The following RNF11 variants were observed in gnomAD, a reference collection of about 807,000 sequenced individuals.
RNF11 encodes ring finger protein 11.
A neutral mutation model predicts 15.8 loss-of-function variants in RNF11; 4 were observed. That is an observed-to-expected ratio of 0.25 (90% confidence interval 0.12 to 0.58). The LOEUF (loss-of-function observed/expected upper bound fraction) is 0.58, where lower values mean the gene tolerates loss of function less well. RNF11 is among the 20% of genes least tolerant of loss of function. The probability of loss-of-function intolerance (pLI) is 0.91; values close to 1 mark genes in which losing one functional copy is unlikely to be tolerated. For synonymous variants in RNF11, 68 were observed against 72.3 expected, an observed-to-expected ratio of 0.94 and a Z score of 0.30; for missense variants, 139 against 194.4, an observed-to-expected ratio of 0.71 and a Z score of 1.70.
intron 1 of RNF11, among the ~76,000 whole-genome samples, chr1:51,257,737 C>T (rs544968789): frequency 4.4e-4 from 66 of 150,798 alleles, no homozygotes; most frequent in African/African-American, 1.6e-3. Context: ...GGATTACAGG[C>T]GTGAGCTACT....
At chr1:51,270,329 C>T (rs917016090) in intron 2 of RNF11, among the ~76,000 whole-genome samples, 10 of 152,274 alleles carry the variant, frequency 6.6e-5, no homozygotes, top group African/African-American at 2.4e-4. Context: ...AGAATTTTCA[C>T]AGGCCGAGCA....
chr1:51,244,379 G>GT lies in RNF11; in HGVS notation c.123+7511dup, dbSNP rs1043027281. Among the ~76,000 whole-genome samples the GT allele has an allele frequency of 1.9e-3, 275 of 145,880 alleles. 1 individual carries two copies. The highest frequency in any genetic ancestry group is 0.018 in the Middle Eastern group (5 of 284). Reference sequence around the variant, plus strand: ...ATTTCATTATATATTTTTTGAATTTGTTTTTTTTTTTGTTTGTTTGTTTGA... The same window carrying GT: ...ATTTCATTATATATTTTTTGAATTTGTTTTTTTTTTTTGTTTGTTTGTTTGA... On this transcript the variant is annotated intron_variant, in intron 1 of 2. Coordinates refer to ENST00000242719, the MANE Select transcript of RNF11 (RefSeq NM_014372.5).
At chr1:51,252,148 T>C (rs781336415) in intron 1 of RNF11, among the ~76,000 whole-genome samples, 1 of 151,730 alleles carries the variant, frequency 6.6e-6, no homozygotes, top group East Asian at 1.9e-4. Flanking sequence ...ATGTATTTTC[T>C]CTTCCTTATG....
At chr1:51,259,782 TTAAGTC>T (rs1229872510) in intron 1 of RNF11, among the ~76,000 whole-genome samples, 1 of 152,056 alleles carries the variant, frequency 6.6e-6, no homozygotes, top group African/African-American at 2.4e-5. Flanking sequence ...AGGTCAAAGT[TTAAGTC>T]AATCAGTAAT....
At chr1:51,242,591 G>A (rs1001257384) in intron 1 of RNF11, among the ~76,000 whole-genome samples, 3 of 152,034 alleles carry the variant, frequency 2.0e-5, no homozygotes, top group African/African-American at 7.2e-5. Context: ...AGAATGTACT[G>A]CTTATTTTTA....
At chr1:51,257,192 C>G (rs1439122569) in intron 1 of RNF11, among the ~76,000 whole-genome samples, 1 of 152,174 alleles carries the variant, frequency 6.6e-6, no homozygotes, top group Non-Finnish European at 1.5e-5. Flanking sequence ...GGGTAGTTCT[C>G]TTTCCCCAGG....
intron 1 of RNF11, among the ~76,000 whole-genome samples, chr1:51,262,809 C>T (rs1167695042): frequency 7.0e-6 from 1 of 142,384 alleles, no homozygotes; most frequent in Admixed American, 7.6e-5. Flanking sequence ...CTCAGGTGAT[C>T]TGCCTGCCTC....
chr1:51,272,245 G>C lies in RNF11; in HGVS notation c.*923G>C, dbSNP rs1243783871. 1.3e-5 allele frequency: 2 copies of C among 152,468 alleles called. No individual in the cohort carries two copies. Among genetic ancestry groups the C allele is most frequent in the Non-Finnish European group, 1.5e-5 (1 of 68,016 alleles). 9.4% of individuals were successfully genotyped at this position (152,468 alleles called of 1,614,324 possible). On this transcript the variant is annotated 3_prime_UTR_variant, in exon 3 of 3. Coordinates refer to ENST00000242719, the MANE Select transcript of RNF11 (RefSeq NM_014372.5). ...CCGTGGTGAGACCTAATGAGAAATA[G>C]TTACTCAGTTGTAAAAATTTTGATT...
At position 51,250,718 on chromosome 1, in the gene RNF11, G is replaced by A. The variant is rs1169801149; in HGVS notation, c.123+13839G>A. The A allele has an allele frequency of 2.4e-5, 32 of 1,309,666 alleles. No homozygotes were observed. The East Asian group carries it at 6.9e-4, about 28-fold the overall frequency. The allele number at this position is 1,309,666 out of a possible 1,614,324, so 81.1% of individuals were successfully genotyped here. The stretch of plus-strand genomic sequence containing the variant: ...TGGTAAATACAGTCTCCTTCCAGAG[G>A]TCGGGGGTCAGGTAGCTGTAGGTCT... On this transcript the variant is annotated intron_variant, in intron 1 of 2. Transcript: ENST00000242719.
intron 1 of RNF11, among the ~76,000 whole-genome samples, chr1:51,267,715 A>T (rs1646961286): frequency 6.6e-6 from 1 of 152,196 alleles, no homozygotes; most frequent in African/African-American, 2.4e-5. Flanking sequence ...GAATGGTGGG[A>T]ACCACCCCCA....
At chr1:51,252,805 T>TTGTGTGTGTGTGTGTGTGTGTGTG (rs145075866) in intron 1 of RNF11, among the ~76,000 whole-genome samples, 82 of 144,022 alleles carry the variant, frequency 5.7e-4, no homozygotes, top group African/African-American at 2.1e-3. Context: ...TTTGTCCAGT[T>TTGTGTGTGTGTGTGTGTGTGTGTG]TGTGTGTGTG....
At chr1:51,269,845 C>G (rs1331288679) in intron 1 of RNF11, 111 bp from the exon 2 acceptor site, 15 of 841,450 alleles carry the variant, frequency 1.8e-5, no homozygotes, top group Non-Finnish European at 2.5e-5. Flanking sequence ...AACACTAGCC[C>G]AGCTTCCTAC....
At position 51,236,407 on chromosome 1, in the gene RNF11, GC is replaced by G. The variant is rs764513935; in HGVS notation, c.-341del. On this transcript the variant is annotated 5_prime_UTR_variant, in exon 1 of 3. It removes the in-frame stop codon of an upstream open reading frame in the 5' UTR. Coordinates refer to ENST00000242719, the MANE Select transcript of RNF11 (RefSeq NM_014372.5). ...CAGCTGAGGCAGCCGCGACGGCCGC[GC>G]CCCCCCCCGCTGACCTGGATTAGGC... 1.6e-4 allele frequency: 25 copies of G among 159,970 alleles called. No homozygotes were observed. The highest frequency in any genetic ancestry group is 9.0e-4 in the South Asian group (5 of 5,534). 9.9% of individuals were successfully genotyped at this position (159,970 alleles called of 1,614,324 possible). A position where few individuals can be genotyped will look rare whatever the true frequency, so the allele number is the denominator to read the frequency against.
intron 1 of RNF11, among the ~76,000 whole-genome samples, chr1:51,252,815 G>T (rs1046164371): frequency 6.6e-5 from 10 of 151,050 alleles, no homozygotes; most frequent in Non-Finnish European, 5.9e-5. Context: ...TTGTGTGTGT[G>T]TGTGTGTGTG....
chr1:51,248,485 A>G (rs547060415), intron 1 of RNF11, among the ~76,000 whole-genome samples: 1 of 152,218 alleles, frequency 6.6e-6, no homozygotes, highest in African/African-American at 2.4e-5. Flanking sequence ...TACTGGCGTC[A>G]GCCACGGCGC....
chr1:51,237,444 A>ATATATATATATATATATATG (rs1646810147), intron 1 of RNF11, among the ~76,000 whole-genome samples: 1 of 126,500 alleles, frequency 7.9e-6, no homozygotes, highest in Admixed American at 7.8e-5. Flanking sequence ...ATATATGTGT[A>ATATATATATATATATATATG]TATATATATA....
intron 1 of RNF11, chr1:51,251,013 A>G: frequency 6.9e-7 from 1 of 1,453,478 alleles, no homozygotes; most frequent in South Asian, 1.2e-5. Flanking sequence ...CTTGGCCAGG[A>G]TGATGGCCCC....
At chr1:51,254,391 A>G (rs1175903800) in intron 1 of RNF11, among the ~76,000 whole-genome samples, 1 of 152,076 alleles carries the variant, frequency 6.6e-6, no homozygotes. Flanking sequence ...AGGTTCAAGC[A>G]GTTGTGCCTC....
intron 1 of RNF11, among the ~76,000 whole-genome samples, chr1:51,268,504 T>C (rs998272572): frequency 6.6e-6 from 1 of 152,242 alleles, no homozygotes; most frequent in African/African-American, 2.4e-5. Context: ...TTTTCTGTTC[T>C]GCTTTCTGTG....
Sources: gnomAD v4.1 joint callset for allele counts (sites outside exome capture counted in the v4.1 genomes callset) on GRCh38, gnomAD v4.1.1 for gene constraint, MANE v1.5 for transcripts, NCBI Gene and HGNC (gene_info 2026-07-23, HGNC 2026-07-21) for gene names.